MAP4K5: variants seen among roughly 807,000 people sequenced by gnomAD.
MAP4K5 encodes the protein mitogen-activated protein kinase kinase kinase kinase 5.
A neutral mutation model predicts 135.6 loss-of-function variants in MAP4K5; 82 were observed. That is an observed-to-expected ratio of 0.60 (90% CI 0.51 to 0.73). MAP4K5 has a LOEUF of 0.73. Ranked by LOEUF, MAP4K5 falls within the 30% of genes least tolerant of loss-of-function variation. The pLI is 0.00. For missense variants in MAP4K5, 907 were observed against 1,010.9 expected, an observed-to-expected ratio of 0.90 and a Z score of 1.39; for synonymous variants, 347 against 335.0, an observed-to-expected ratio of 1.04 and a Z score of -0.39.
intron 2 of MAP4K5, among the ~76,000 whole-genome samples, chr14:50,522,837 CATCT>C (rs1397242487): frequency 6.6e-6 from 1 of 152,108 alleles, no homozygotes; most frequent in African/African-American, 2.4e-5. Flanking sequence ...ACATCACATA[CATCT>C]ATTTTTTATT....
chr14:50,452,378 G>GT (rs1237624810), intron 14 of MAP4K5, among the ~76,000 whole-genome samples: 4 of 152,054 alleles, frequency 2.6e-5, no homozygotes, highest in Middle Eastern at 3.2e-3. Context: ...GTTTTTTGTT[G>GT]TTGTTTTTCT....
chr14:50,521,368 G>A lies in MAP4K5; in HGVS notation c.108+10574C>T, dbSNP rs72679527. Among the ~76,000 whole-genome samples the A allele has an allele frequency of 7.0e-3, 1,066 of 152,328 alleles. 4 individuals are homozygous for A. The highest frequency in any genetic ancestry group is 0.031 in the Middle Eastern group (9 of 294). On this transcript the variant is annotated intron_variant, in intron 2 of 32. Transcript: ENST00000682126. ...TGGCAGACAATGTGTTAAGGACTAT[G>A]TGTAGAGTAGTGAATTTAAAGATGC...
chr14:50,458,958 A>ACC (rs1319970593), intron 13 of MAP4K5, among the ~76,000 whole-genome samples: 2 of 151,964 alleles, frequency 1.3e-5, no homozygotes, highest in African/African-American at 4.8e-5. Flanking sequence ...ACAGGAACCC[A>ACC]CCACCAAGCC....
In MAP4K5 at chr14:50,434,818, CAAAAACCTCT is replaced by C. The variant is rs1339756530; in HGVS notation, c.1986+134_1986+143del. 16 of 647,896 alleles carry C rather than the reference CAAAAACCTCT, an allele frequency of 2.5e-5. No homozygotes were observed. In the East Asian group the frequency reaches 4.5e-4, roughly 18 times the overall value. 40.1% of individuals were successfully genotyped at this position (647,896 alleles called of 1,614,324 possible). The stretch of plus-strand genomic sequence containing the variant: ...AGTTAAAGAGTAAATCCTAAGAACA[CAAAAACCTCT>C]AAATCAAATAAACAACTACAAATAA... On this transcript the variant is annotated intron_variant, in intron 27 of 32. Coordinates refer to ENST00000682126, the MANE Select transcript of MAP4K5 (RefSeq NM_006575.6).
rs554742975 is a variant in MAP4K5 at position 50,517,298 on chromosome 14, C to T, written c.109-12441G>A. On this transcript the variant is annotated intron_variant, in intron 2 of 32. Coordinates refer to ENST00000682126, the MANE Select transcript of MAP4K5 (RefSeq NM_006575.6). ...CCTAGAGTAGCTGGGAGTACAGGCACGTGCCACCACGCCCAGCTAATTTTT... is the reference window on the plus strand; with the variant it reads ...CCTAGAGTAGCTGGGAGTACAGGCATGTGCCACCACGCCCAGCTAATTTTT... 1.8e-4 allele frequency among the ~76,000 whole-genome samples: 27 copies of T among 151,832 alleles called. No homozygotes were observed. The East Asian group carries it at 4.7e-3, about 27-fold the overall frequency.
chr14:50,475,247 A>G, intron 8 of MAP4K5, 98 bp from the exon 9 acceptor site: 3 of 851,856 alleles, frequency 3.5e-6, no homozygotes, highest in Non-Finnish European at 5.8e-6. Context: ...TAATTCAAAT[A>G]TTAATGTTAG....
At chr14:50,543,516 T>G (rs894171275) in intron 1 of MAP4K5, among the ~76,000 whole-genome samples, 2 of 152,212 alleles carry the variant, frequency 1.3e-5, no homozygotes, top group Non-Finnish European at 2.9e-5. Context: ...AGCAAGAAAG[T>G]AATTTTATTA....
Position 50,454,885 on chromosome 14 carries a change from T to A in MAP4K5, c.1015+1631A>T, listed in dbSNP as rs558489036. On this transcript the variant is annotated intron_variant, in intron 14 of 32. Coordinates refer to ENST00000682126, the MANE Select transcript of MAP4K5 (RefSeq NM_006575.6). ...CAAATGTCATAATGAAAAAGAAGTG[T>A]GACAAGGTACATATGTGTGTGTTGT... 2.6e-5 allele frequency among the ~76,000 whole-genome samples: 4 copies of A among 152,050 alleles called. No individual in the cohort carries two copies. The East Asian group carries it at 7.7e-4, about 29-fold the overall frequency.
At chr14:50,509,569 T>C (rs1187626168) in intron 2 of MAP4K5, among the ~76,000 whole-genome samples, 4 of 152,122 alleles carry the variant, frequency 2.6e-5, no homozygotes, top group African/African-American at 9.7e-5. Context: ...AGAGTTGAAT[T>C]TGATCCAAAG....
At chr14:50,488,642 T>G (rs1036205849) in intron 3 of MAP4K5, among the ~76,000 whole-genome samples, 3 of 152,162 alleles carry the variant, frequency 2.0e-5, no homozygotes, top group African/African-American at 7.2e-5. Context: ...GTAGTTTGAG[T>G]TCTGGGTTCC....
intron 1 of MAP4K5, among the ~76,000 whole-genome samples, chr14:50,555,010 T>G (rs1033114447): frequency 2.0e-5 from 3 of 152,250 alleles, no homozygotes; most frequent in Non-Finnish European, 4.4e-5. Context: ...ACCCCAAAAT[T>G]TTTGTTACAT....
chr14:50,448,139 T>C (rs1320208126), intron 15 of MAP4K5, among the ~76,000 whole-genome samples: 1 of 152,096 alleles, frequency 6.6e-6, no homozygotes, highest in African/African-American at 2.4e-5. Context: ...CTCAGCCTCC[T>C]GAGGAGCTGG....
intron 1 of MAP4K5, among the ~76,000 whole-genome samples, chr14:50,543,007 C>T (rs1336522678): frequency 6.6e-6 from 1 of 152,174 alleles, no homozygotes; most frequent in Non-Finnish European, 1.5e-5. Flanking sequence ...TGGATGGATT[C>T]TTAAAATTGC....
At chr14:50,513,858 C>G (rs553008086) in intron 2 of MAP4K5, among the ~76,000 whole-genome samples, 17 of 152,284 alleles carry the variant, frequency 1.1e-4, no homozygotes, top group African/African-American at 4.1e-4. Context: ...AACAAGCTAT[C>G]TCCAGTGGCC....
chr14:50,469,520 T>G (rs1358535827), intron 9 of MAP4K5, among the ~76,000 whole-genome samples: 4 of 150,564 alleles, frequency 2.7e-5, no homozygotes, highest in Admixed American at 1.3e-4. Flanking sequence ...AATTATGAGG[T>G]CAAACAATCT....
At chr14:50,474,046 A>G (rs1475492899) in intron 9 of MAP4K5, among the ~76,000 whole-genome samples, 1 of 152,086 alleles carries the variant, frequency 6.6e-6, no homozygotes, top group Non-Finnish European at 1.5e-5. Context: ...GACATCAGGT[A>G]TGAGGTACGG....
chr14:50,560,150 C>T, intron 1 of MAP4K5: 7 of 1,251,014 alleles, frequency 5.6e-6, no homozygotes, highest in Non-Finnish European at 8.0e-6. Flanking sequence ...TCCTCAGAGT[C>T]TGAGCGAACT....
chr14:50,532,698 G>T (rs1488538775), upstream of MAP4K5: 1 of 152,532 alleles, frequency 6.6e-6, no homozygotes, highest in Non-Finnish European at 1.5e-5. Flanking sequence ...GAACCAGAGT[G>T]CCGCCCTGAG....
chr14:50,508,572 G>C lies in MAP4K5; in HGVS notation c.109-3715C>G, dbSNP rs572018342. Reference sequence around the variant, plus strand: ...CACACACTGGGGCCTGTCGTGGGGTGGGGGGAGAGGGGAGGGATAGCATTA... The same window carrying C: ...CACACACTGGGGCCTGTCGTGGGGTCGGGGGAGAGGGGAGGGATAGCATTA... On this transcript the variant is annotated intron_variant, in intron 2 of 32. Transcript: ENST00000682126. Among the ~76,000 whole-genome samples, 20 of 152,132 alleles carry C rather than the reference G, an allele frequency of 1.3e-4. No individual in the cohort carries two copies. In the East Asian group the frequency reaches 2.3e-3, roughly 18 times the overall value.
Sources: gnomAD v4.1 joint callset for allele counts (sites outside exome capture counted in the v4.1 genomes callset) on GRCh38, gnomAD v4.1.1 for gene constraint, MANE v1.5 for transcripts, NCBI Gene and HGNC (gene_info 2026-07-23, HGNC 2026-07-21) for gene names.